Variants in AMOTL1 observed in about 807,000 individuals in gnomAD.
AMOTL1 encodes the protein angiomotin like 1.
A neutral mutation model predicts 102.9 loss-of-function variants in AMOTL1; 45 were observed. The observed-to-expected ratio is 0.44, with a 90% CI of 0.34 to 0.56. AMOTL1 has a LOEUF of 0.56. AMOTL1 is among the 20% of genes least tolerant of loss of function. The pLI is 0.01. For synonymous variants in AMOTL1, 481 were observed against 484.7 expected, an observed-to-expected ratio of 0.99 and a Z score of 0.10; for missense variants, 1,114 against 1,225.6, an observed-to-expected ratio of 0.91 and a Z score of 1.36.
At chr11:94,840,874 C>G (rs540918740) in intron 6 of AMOTL1, among the ~76,000 whole-genome samples, 17 of 151,914 alleles carry the variant, frequency 1.1e-4, no homozygotes, top group African/African-American at 3.4e-4. Context: ...AAAATTTACA[C>G]ACTTAAATGT....
chr11:94,773,958 C>G (rs923224351), intron 1 of AMOTL1, among the ~76,000 whole-genome samples: 6 of 152,180 alleles, frequency 3.9e-5, no homozygotes, highest in Non-Finnish European at 5.9e-5. Flanking sequence ...GCTGTGTGAC[C>G]TCGGAATTGT....
intron 1 of AMOTL1, among the ~76,000 whole-genome samples, chr11:94,770,919 T>C (rs925256286): frequency 1.1e-4 from 17 of 152,086 alleles, no homozygotes; most frequent in Non-Finnish European, 1.9e-4. Flanking sequence ...TGTCTACCCC[T>C]AAGGAAAAGT....
intron 1 of AMOTL1, among the ~76,000 whole-genome samples, chr11:94,717,863 G>A (rs187007335): frequency 6.6e-6 from 1 of 151,622 alleles, no homozygotes; most frequent in Non-Finnish European, 1.5e-5. Flanking sequence ...TACATGAACA[G>A]GCTGTTCAGA....
chr11:94,755,873 C>G (rs797005983), intron 3 of AMOTL1, among the ~76,000 whole-genome samples: 51 of 152,322 alleles, frequency 3.3e-4, no homozygotes, highest in African/African-American at 1.2e-3. Flanking sequence ...CAGTTAGACC[C>G]TCTGCCTTAT....
At chr11:94,779,906 A>G (rs1403611283) in intron 1 of AMOTL1, among the ~76,000 whole-genome samples, 2 of 152,154 alleles carry the variant, frequency 1.3e-5, no homozygotes, top group African/African-American at 2.4e-5. Context: ...TAAAAGACTC[A>G]CCGTTTTGAG....
intron 3 of AMOTL1, among the ~76,000 whole-genome samples, chr11:94,817,126 TAA>T (rs934743016): frequency 6.6e-6 from 1 of 152,164 alleles, no homozygotes; most frequent in Non-Finnish European, 1.5e-5. Flanking sequence ...TACAGAATTT[TAA>T]AAGACACATT....
chr11:94,815,218 C>T (rs114937439), intron 3 of AMOTL1, among the ~76,000 whole-genome samples: 2,853 of 152,096 alleles, frequency 0.019, 39 homozygotes, highest in African/African-American at 0.032. Context: ...AAAAATGTGG[C>T]ATGAGGGCTA....
chr11:94,771,262 G>A (rs1019781191), intron 1 of AMOTL1, among the ~76,000 whole-genome samples: 1 of 146,536 alleles, frequency 6.8e-6, no homozygotes, highest in Non-Finnish European at 1.5e-5. Context: ...GCGGGGTTGG[G>A]GGGGGGGTGC....
chr11:94,784,977 A>G lies in AMOTL1; in HGVS notation c.50-10034A>G, dbSNP rs1025979602. On this transcript the variant is annotated intron_variant, in intron 1 of 12. Transcript: ENST00000433060. Reference sequence around the variant, plus strand: ...CCATGAAAATAATGTGCAAAAAAAAAAAAAGAAAAGAAAAGAAAATAATAT... The same window carrying G: ...CCATGAAAATAATGTGCAAAAAAAAGAAAAGAAAAGAAAAGAAAATAATAT... Among the ~76,000 whole-genome samples, 514 of 152,092 alleles carry G rather than the reference A, an allele frequency of 3.4e-3. 5 individuals carry two copies. Among genetic ancestry groups the G allele is most frequent in the African/African-American group, 9.8e-3 (406 of 41,506 alleles).
chr11:94,727,669 T>C (rs914515934), intron 1 of AMOTL1, among the ~76,000 whole-genome samples: 2 of 152,022 alleles, frequency 1.3e-5, no homozygotes, highest in Non-Finnish European at 2.9e-5. Context: ...TAGTGCAGAG[T>C]CAGGGCTAAA....
At chr11:94,834,316 G>A (rs568824009) in intron 6 of AMOTL1, among the ~76,000 whole-genome samples, 3 of 152,220 alleles carry the variant, frequency 2.0e-5, no homozygotes, top group South Asian at 2.1e-4. Flanking sequence ...GGCCGGGCGC[G>A]GTGGCTCACG....
chr11:94,809,375 T>G (rs970794889), intron 3 of AMOTL1, among the ~76,000 whole-genome samples: 16 of 152,218 alleles, frequency 1.1e-4, no homozygotes, highest in Non-Finnish European at 2.2e-4. Flanking sequence ...GGCCACTGTC[T>G]GGACAGTGTA....
chr11:94,713,097 AT>A (rs1038986331), intron 1 of AMOTL1, among the ~76,000 whole-genome samples: 2 of 151,402 alleles, frequency 1.3e-5, no homozygotes, highest in East Asian at 3.9e-4. Context: ...CTCAAGCACC[AT>A]TTTTTTAAAA....
chr11:94,836,436 A>G lies in AMOTL1; in HGVS notation c.1648+4895A>G, dbSNP rs115243062. Among the ~76,000 whole-genome samples, 328 of 152,234 alleles carry G rather than the reference A, an allele frequency of 2.2e-3. 4 individuals carry two copies. Among genetic ancestry groups the G allele is most frequent in the African/African-American group, 7.2e-3 (300 of 41,520 alleles). ...GATTTATTTGGGTGACGCTCCACTA[A>G]ATGAGAGAACTATAGACGTTCTTCA... On this transcript the variant is annotated intron_variant, in intron 6 of 12. Coordinates refer to ENST00000433060, the MANE Select transcript of AMOTL1 (RefSeq NM_130847.3).
chr11:94,784,223 A>C (rs1330230346), intron 1 of AMOTL1, among the ~76,000 whole-genome samples: 4 of 152,124 alleles, frequency 2.6e-5, no homozygotes, highest in African/African-American at 4.8e-5. Context: ...GTTGGTTCAC[A>C]TTAACTCACT....
chr11:94,789,613 G>A (rs543084208), intron 1 of AMOTL1, among the ~76,000 whole-genome samples: 1 of 152,298 alleles, frequency 6.6e-6, no homozygotes, highest in Admixed American at 6.5e-5. Context: ...TTATTTTTCA[G>A]GTACTGGTCA....
At chr11:94,850,361 C>T (rs1409385871) in intron 7 of AMOTL1, 102 bp downstream of exon 7, 1 of 1,400,016 alleles carries the variant, frequency 7.1e-7, no homozygotes, top group East Asian at 2.6e-5. Context: ...AGAGCCAATT[C>T]CAAGGAGTTG....
intron 1 of AMOTL1, among the ~76,000 whole-genome samples, chr11:94,788,622 T>G (rs1489093642): frequency 6.6e-6 from 1 of 152,224 alleles, no homozygotes; most frequent in Non-Finnish European, 1.5e-5. Flanking sequence ...TTTAACATAC[T>G]TTGCAATAAA....
chr11:94,753,364 G>C (rs1277477686), intron 3 of AMOTL1, among the ~76,000 whole-genome samples: 1 of 143,570 alleles, frequency 7.0e-6, no homozygotes, highest in African/African-American at 2.6e-5. Flanking sequence ...CTCAAGTATG[G>C]CTTCTTACCC....
Sources: allele counts gnomAD v4.1 joint callset (sites outside exome capture counted in the v4.1 genomes callset), GRCh38; gene constraint gnomAD v4.1.1; transcripts MANE v1.5; gene names NCBI Gene and HGNC (gene_info 2026-07-23, HGNC 2026-07-21).